Variants in SPOCK3 observed in about 807,000 individuals in gnomAD.
The protein encoded by SPOCK3 is testican-3.
SPOCK3 carries 30 observed loss-of-function variants against 56.6 expected under a neutral mutation model. The observed-to-expected ratio is 0.53, with a 90% CI of 0.40 to 0.72. SPOCK3 has a LOEUF of 0.72. Ranked by LOEUF, SPOCK3 falls within the 30% of genes least tolerant of loss-of-function variation. The pLI, the probability that SPOCK3 is intolerant of heterozygous loss-of-function variation, is 0.00. For synonymous variants in SPOCK3, 196 were observed against 183.3 expected (o/e 1.07, Z -0.56); for missense variants, 527 against 530.0 (o/e 0.99, Z 0.06).
At chr4:166,740,557 G>A (rs1479369328) in intron 9 of SPOCK3, among the ~76,000 whole-genome samples, 12 of 149,974 alleles carry the variant, frequency 8.0e-5, no homozygotes, top group Admixed American at 3.4e-4. Flanking sequence ...ATGGAGTCTC[G>A]CTCTGTTACC....
intron 3 of SPOCK3, among the ~76,000 whole-genome samples, chr4:167,010,735 T>C (rs1368740853): frequency 6.6e-6 from 1 of 152,042 alleles, no homozygotes; most frequent in Non-Finnish European, 1.5e-5. Context: ...CAAGAAGCGA[T>C]GATGAGCAAT....
intron 6 of SPOCK3, among the ~76,000 whole-genome samples, chr4:166,808,494 A>C (rs1743415164): frequency 6.6e-6 from 1 of 151,886 alleles, no homozygotes; most frequent in Non-Finnish European, 1.5e-5. Context: ...CACAGCAAGA[A>C]GGCTGCCATC....
intron 2 of SPOCK3, among the ~76,000 whole-genome samples, chr4:167,186,650 C>CA (rs1294638176): frequency 3.3e-5 from 5 of 150,792 alleles, no homozygotes; most frequent in African/African-American, 1.2e-4. Context: ...CAAACAACAA[C>CA]AACAAAAAAA....
chr4:166,751,565 G>T (rs1296448203), intron 8 of SPOCK3, among the ~76,000 whole-genome samples: 2 of 152,098 alleles, frequency 1.3e-5, no homozygotes, highest in Non-Finnish European at 2.9e-5. Flanking sequence ...TGAAGTTATT[G>T]AATATGAATA....
At chr4:166,924,561 C>A (rs953841313) in intron 4 of SPOCK3, among the ~76,000 whole-genome samples, 1 of 152,168 alleles carries the variant, frequency 6.6e-6, no homozygotes, top group Non-Finnish European at 1.5e-5. Flanking sequence ...TTTTTCTGAC[C>A]AACTGGAGGC....
At chr4:166,811,703 G>A (rs1216171085) in intron 6 of SPOCK3, among the ~76,000 whole-genome samples, 1 of 151,512 alleles carries the variant, frequency 6.6e-6, no homozygotes, top group Non-Finnish European at 1.5e-5. Context: ...AGTGATCCCA[G>A]GAAAATAATG....
chr4:166,762,101 T>TTGG (rs1737318184), intron 7 of SPOCK3, among the ~76,000 whole-genome samples: 1 of 152,008 alleles, frequency 6.6e-6, no homozygotes, highest in African/African-American at 2.4e-5. Context: ...GTTTTTGTTG[T>TTGG]TGTTTAAATT....
chr4:166,967,271 G>A (rs140377141), intron 4 of SPOCK3, among the ~76,000 whole-genome samples: 2 of 152,262 alleles, frequency 1.3e-5, no homozygotes, highest in East Asian at 3.9e-4. Flanking sequence ...CAAAGATTGA[G>A]CTGTACAGCT....
intron 2 of SPOCK3, among the ~76,000 whole-genome samples, chr4:167,069,456 G>A (rs1259444348): frequency 2.0e-5 from 3 of 151,950 alleles, no homozygotes; most frequent in African/African-American, 7.2e-5. Context: ...AGGAAAGTCA[G>A]AACATGATAT....
chr4:166,735,959 A>G (rs1030085507), intron 10 of SPOCK3, among the ~76,000 whole-genome samples: 3 of 152,134 alleles, frequency 2.0e-5, no homozygotes, highest in Non-Finnish European at 4.4e-5. Context: ...TATGGAGGCA[A>G]TAATGCACAT....
intron 2 of SPOCK3, among the ~76,000 whole-genome samples, chr4:167,078,901 G>T (rs1315778719): frequency 6.6e-6 from 1 of 151,796 alleles, no homozygotes; most frequent in African/African-American, 2.4e-5. Context: ...CTCCCTGTAT[G>T]CCTGGAGCTT....
chr4:166,944,199 C>T (rs11725742), intron 4 of SPOCK3, among the ~76,000 whole-genome samples: 76 of 152,036 alleles, frequency 5.0e-4, no homozygotes, highest in African/African-American at 1.8e-3. Context: ...AAAAAACATT[C>T]TTCAAAACAG....
intron 4 of SPOCK3, among the ~76,000 whole-genome samples, chr4:166,996,013 A>T (rs1169876791): frequency 6.6e-6 from 1 of 152,176 alleles, no homozygotes; most frequent in East Asian, 1.9e-4. Flanking sequence ...AAATACATTT[A>T]GATCTTCTTT....
chr4:166,952,016 C>T (rs915344728), intron 4 of SPOCK3, among the ~76,000 whole-genome samples: 5 of 152,154 alleles, frequency 3.3e-5, no homozygotes, highest in Admixed American at 3.3e-4. Context: ...CCTTTGAAAA[C>T]TGGCACAAGA....
intron 2 of SPOCK3, chr4:167,083,204 C>T (rs981820792): frequency 1.3e-6 from 1 of 765,084 alleles, no homozygotes; most frequent in Non-Finnish European, 2.4e-6. Context: ...AGAATTGCCA[C>T]AAAATTTCTG....
chr4:166,798,182 A>C (rs1742173543), intron 6 of SPOCK3, among the ~76,000 whole-genome samples: 1 of 152,184 alleles, frequency 6.6e-6, no homozygotes, highest in Non-Finnish European at 1.5e-5. Context: ...ATTATACTCT[A>C]CTTTTTATCA....
chr4:167,033,875 T>G (rs1023595471), intron 3 of SPOCK3, among the ~76,000 whole-genome samples: 2 of 151,946 alleles, frequency 1.3e-5, no homozygotes, highest in Non-Finnish European at 2.9e-5. Context: ...TATAATACAT[T>G]CTTTATTTTC....
At chr4:166,860,819 A>ATATATATATATATATATATATG (rs1240242462) in intron 6 of SPOCK3, among the ~76,000 whole-genome samples, 4 of 144,770 alleles carry the variant, frequency 2.8e-5, no homozygotes, top group South Asian at 2.2e-4. Flanking sequence ...ATATATATGT[A>ATATATATATATATATATATATG]TATATATATA....
intron 4 of SPOCK3, among the ~76,000 whole-genome samples, chr4:166,982,683 T>A (rs1579893778): frequency 6.6e-6 from 1 of 152,376 alleles, no homozygotes; most frequent in African/African-American, 2.4e-5. Flanking sequence ...AGTTTGGATT[T>A]TTTTATTATG....
Sources: allele counts gnomAD v4.1 joint callset (sites outside exome capture counted in the v4.1 genomes callset), GRCh38; gene constraint gnomAD v4.1.1; transcripts MANE v1.5; gene names NCBI Gene and HGNC (gene_info 2026-07-23, HGNC 2026-07-21).